The following SGCD variants were observed in gnomAD, a reference collection of about 807,000 sequenced individuals.
SGCD encodes delta-sarcoglycan.
Under a neutral mutation model 36.6 loss-of-function variants are expected in SGCD, and 18 were observed. The observed-to-expected ratio is 0.49, with a 90% CI of 0.34 to 0.73. The LOEUF (loss-of-function observed/expected upper bound fraction) is 0.73. Among genes scored for constraint, SGCD ranks in the 30% least tolerant of loss-of-function variants. The pLI, the probability that SGCD is intolerant of heterozygous loss-of-function variation, is 0.01. For missense variants in SGCD, 387 were observed against 346.7 expected, an observed-to-expected ratio of 1.12 and a Z score of -0.92; for synonymous variants, 133 against 130.6, an observed-to-expected ratio of 1.02 and a Z score of -0.12.
At chr5:156,740,700 T>C (rs1192944087) in intron 7 of SGCD, among the ~76,000 whole-genome samples, 1 of 152,234 alleles carries the variant, frequency 6.6e-6, no homozygotes, top group African/African-American at 2.4e-5. Context: ...CATTTGAAGA[T>C]CTGCTAAGTC....
chr5:156,194,017 G>C (rs963843683), intron 3 of SGCD, among the ~76,000 whole-genome samples: 6 of 152,282 alleles, frequency 3.9e-5, no homozygotes, highest in African/African-American at 1.4e-4. Flanking sequence ...CTTCCTCTGA[G>C]CATTTTAAAA....
rs936887461 is a variant in SGCD at position 156,400,477 on chromosome 5, C to A, written c.192+55800C>A. 1.1e-4 allele frequency among the ~76,000 whole-genome samples: 16 copies of A among 152,244 alleles called. No homozygotes were observed. The East Asian group carries it at 2.1e-3, about 20-fold the overall frequency. ...ACATCTGGACAGATAACTACTGAAG[C>A]ACAAATAATGTGTTGCTACTAATAG... On this transcript the variant is annotated intron_variant, in intron 3 of 8. Transcript: ENST00000337851.
At chr5:156,131,895 C>T (rs1247505215) in intron 3 of SGCD, among the ~76,000 whole-genome samples, 1 of 152,202 alleles carries the variant, frequency 6.6e-6, no homozygotes, top group East Asian at 1.9e-4. Context: ...ATTTGTATTA[C>T]TGTCGTATTA....
chr5:155,796,741 G>A, the SGCD span, among the ~76,000 whole-genome samples: 12 of 147,468 alleles, frequency 8.1e-5, no homozygotes, highest in Non-Finnish European at 1.3e-4. Flanking sequence ...AGGAGGTGGA[G>A]GTTGTGGTGA....
At chr5:155,923,093 C>T (rs190244042) in intron 1 of SGCD, among the ~76,000 whole-genome samples, 2 of 152,260 alleles carry the variant, frequency 1.3e-5, no homozygotes, top group East Asian at 1.9e-4. Context: ...ACTGTGGCTT[C>T]AAATATGGGG....
rs373900056 is a variant in SGCD, at chr5:155,873,533, G to T, written c.-282+3109G>T. On this transcript the variant is annotated intron_variant, in intron 1 of 9. Coordinates refer to the SGCD transcript ENST00000517913. ...CATGTAGACTTGGAAGGGTGCCAGG[G>T]TGGTGCCGGAGGGACGAGAAATTAT... Among the ~76,000 whole-genome samples, 47 of 152,240 alleles carry T rather than the reference G, an allele frequency of 3.1e-4. No individual in the cohort carries two copies. In the East Asian group the frequency reaches 5.8e-3, roughly 19 times the overall value.
At chr5:156,676,190 G>C (rs1468346234) in intron 7 of SGCD, among the ~76,000 whole-genome samples, 2 of 152,102 alleles carry the variant, frequency 1.3e-5, no homozygotes, top group African/African-American at 2.4e-5. Flanking sequence ...GTTATATTGT[G>C]TTCTTTACCC....
At chr5:156,104,095 T>C (rs1475267220) in intron 1 of SGCD, among the ~76,000 whole-genome samples, 1 of 152,176 alleles carries the variant, frequency 6.6e-6, no homozygotes, top group Admixed American at 6.5e-5. Context: ...TTAATAACTT[T>C]GGGCTAGTTG....
intron 7 of SGCD, among the ~76,000 whole-genome samples, chr5:156,654,505 TG>T (rs917591388): frequency 7.2e-5 from 11 of 152,100 alleles, no homozygotes; most frequent in African/African-American, 2.2e-4. Flanking sequence ...TTCTTTCCTT[TG>T]GGGGGGTCCA....
intron 3 of SGCD, among the ~76,000 whole-genome samples, chr5:156,265,621 A>T (rs1765978320): frequency 6.6e-6 from 1 of 150,942 alleles, no homozygotes; most frequent in East Asian, 1.9e-4. Context: ...TTATTATTAT[A>T]ATTTAATAAT....
At chr5:156,174,981 A>G (rs897912506) in intron 3 of SGCD, among the ~76,000 whole-genome samples, 4 of 152,202 alleles carry the variant, frequency 2.6e-5, no homozygotes, top group African/African-American at 7.2e-5. Context: ...AAAAGATCAA[A>G]ATGTAAGCAA....
At chr5:156,610,297 C>G (rs1326442775) in intron 6 of SGCD, among the ~76,000 whole-genome samples, 5 of 152,178 alleles carry the variant, frequency 3.3e-5, no homozygotes, top group Admixed American at 3.3e-4. Flanking sequence ...TTGGAGTTTG[C>G]TGGAGGTCCA....
intron 3 of SGCD, among the ~76,000 whole-genome samples, chr5:156,501,524 C>A (rs1249187572): frequency 6.6e-6 from 1 of 152,156 alleles, no homozygotes; most frequent in Non-Finnish European, 1.5e-5. Context: ...CCAATCTGGG[C>A]CAGATAAAGA....
intron 3 of SGCD, among the ~76,000 whole-genome samples, chr5:156,193,625 G>A (rs1349091406): frequency 2.6e-5 from 4 of 152,246 alleles, no homozygotes; most frequent in South Asian, 2.1e-4. Context: ...TAGCTTCCAC[G>A]TCTTGTTACA....
At chr5:156,470,270 A>G (rs1003025611) in intron 3 of SGCD, among the ~76,000 whole-genome samples, 5 of 152,216 alleles carry the variant, frequency 3.3e-5, no homozygotes, top group African/African-American at 1.2e-4. Context: ...AGATATTAAA[A>G]TAGAAGAATT....
intron 3 of SGCD, among the ~76,000 whole-genome samples, chr5:156,244,759 A>C (rs887291186): frequency 1.3e-5 from 2 of 152,234 alleles, no homozygotes; most frequent in African/African-American, 4.8e-5. Context: ...ACATTACTGC[A>C]TCATAATTGC....
At chr5:156,406,036 G>GAAAAAAAAAAAAAT (rs79259925) in intron 3 of SGCD, among the ~76,000 whole-genome samples, 4 of 136,606 alleles carry the variant, frequency 2.9e-5, no homozygotes, top group Non-Finnish European at 6.1e-5. Flanking sequence ...AAAAAAAAAG[G>GAAAAAAAAAAAAAT]CCTCTGGGCA....
the SGCD span, among the ~76,000 whole-genome samples, chr5:155,816,168 T>G: frequency 2.6e-5 from 4 of 152,170 alleles, no homozygotes; most frequent in Non-Finnish European, 5.9e-5. Context: ...ACATATGAGC[T>G]AATAAAAATA....
At chr5:155,733,249 C>A in the SGCD span, among the ~76,000 whole-genome samples, 1,384 of 152,228 alleles carry the variant, frequency 9.1e-3, 26 homozygotes, top group African/African-American at 0.032. Flanking sequence ...AAGCTTTTGA[C>A]TCCCTCAGAA....
Sources: allele counts gnomAD v4.1 joint callset (sites outside exome capture counted in the v4.1 genomes callset), GRCh38; gene constraint gnomAD v4.1.1; transcripts MANE v1.5; gene names NCBI Gene and HGNC (gene_info 2026-07-23, HGNC 2026-07-21).